Variants in KCNIP4 observed in about 807,000 individuals in gnomAD.
The protein encoded by KCNIP4 is potassium voltage-gated channel interacting protein 4.
KCNIP4 carries 12 observed loss-of-function variants against 34.0 expected under a neutral mutation model. That is an observed-to-expected ratio of 0.35 (90% CI 0.23 to 0.57). The LOEUF (loss-of-function observed/expected upper bound fraction) is 0.57, where lower values mean the gene tolerates loss of function less well. KCNIP4 is among the 20% of genes least tolerant of loss of function. KCNIP4 has a pLI of 0.83. For missense variants in KCNIP4, 238 were observed against 311.7 expected (o/e 0.76, Z 1.78); for synonymous variants, 124 against 102.2 (o/e 1.21, Z -1.29).
chr4:21,940,743 T>G (rs1333957261), intron 1 of KCNIP4, among the ~76,000 whole-genome samples: 1 of 152,208 alleles, frequency 6.6e-6, no homozygotes, highest in Non-Finnish European at 1.5e-5. Context: ...CTTTCTAAAT[T>G]AAATTAAAAT....
chr4:20,734,792 A>AC, intron 5 of KCNIP4, 57 bp from the exon 6 acceptor site: 1 of 1,059,480 alleles, frequency 9.4e-7, no homozygotes. Context: ...CAAAAACAAA[A>AC]AAAACAAATG....
At chr4:21,118,683 C>G (rs1344104226) in intron 1 of KCNIP4, among the ~76,000 whole-genome samples, 1 of 152,030 alleles carries the variant, frequency 6.6e-6, no homozygotes, top group African/African-American at 2.4e-5. Context: ...GGTGCGGATG[C>G]TGTTTTGAAA....
chr4:21,169,524 A>G (rs77660293), intron 1 of KCNIP4, among the ~76,000 whole-genome samples: 2,768 of 152,234 alleles, frequency 0.018, 87 homozygotes, highest in African/African-American at 0.061. Context: ...CAGAGGGTTT[A>G]CTGGCAAAAA....
chr4:21,938,502 C>T (rs951474679), intron 1 of KCNIP4, among the ~76,000 whole-genome samples: 9 of 152,200 alleles, frequency 5.9e-5, no homozygotes, highest in East Asian at 3.9e-4. Context: ...CTCTTTTCTA[C>T]GTAAGGTTTG....
chr4:21,770,954 C>T (rs1718741095), intron 1 of KCNIP4, among the ~76,000 whole-genome samples: 1 of 152,058 alleles, frequency 6.6e-6, no homozygotes, highest in African/African-American at 2.4e-5. Flanking sequence ...TAATTAGATC[C>T]CAGTTATCAA....
At position 21,283,553 on chromosome 4, in the gene KCNIP4, G is replaced by A. The variant is rs575117610; in HGVS notation, c.62-400844C>T. 2.0e-3 allele frequency among the ~76,000 whole-genome samples: 289 copies of A among 146,412 alleles called. 3 individuals are homozygous for A. Among genetic ancestry groups the A allele is most frequent in the African/African-American group, 6.8e-3 (269 of 39,362 alleles). On this transcript the variant is annotated intron_variant, in intron 1 of 8. Transcript: ENST00000382152. Reference sequence around the variant, plus strand: ...AAATATTTGTCTAATATCCTTACTCGACCATAAGTTTTTACAGACAAACTA... The same window carrying A: ...AAATATTTGTCTAATATCCTTACTCAACCATAAGTTTTTACAGACAAACTA...
intron 1 of KCNIP4, among the ~76,000 whole-genome samples, chr4:20,900,785 T>C (rs1361436797): frequency 6.6e-6 from 1 of 151,514 alleles, no homozygotes; most frequent in African/African-American, 2.4e-5. Flanking sequence ...ACAGTGTTGT[T>C]AAAACACTCA....
chr4:20,801,632 A>G (rs577401601), intron 3 of KCNIP4, among the ~76,000 whole-genome samples: 1 of 152,162 alleles, frequency 6.6e-6, no homozygotes. Context: ...GATTAAAACT[A>G]TAAGATGTTT....
chr4:21,921,004 T>C (rs1240991471), intron 1 of KCNIP4, among the ~76,000 whole-genome samples: 2 of 152,192 alleles, frequency 1.3e-5, no homozygotes, highest in African/African-American at 2.4e-5. Context: ...TCATTGGACT[T>C]TTACTTTTAA....
intron 1 of KCNIP4, among the ~76,000 whole-genome samples, chr4:21,416,236 AG>A (rs1454829139): frequency 6.6e-6 from 1 of 152,200 alleles, no homozygotes; most frequent in African/African-American, 2.4e-5. Context: ...TTTTAATATA[AG>A]GGTAGTGGCA....
chr4:21,655,972 T>C (rs997277878), intron 1 of KCNIP4, among the ~76,000 whole-genome samples: 1 of 152,218 alleles, frequency 6.6e-6, no homozygotes, highest in African/African-American at 2.4e-5. Flanking sequence ...CTGCATGTCT[T>C]TGAACTACTT....
chr4:20,957,358 A>G (rs1279746631), intron 1 of KCNIP4, among the ~76,000 whole-genome samples: 2 of 152,162 alleles, frequency 1.3e-5, no homozygotes, highest in African/African-American at 4.8e-5. Context: ...GACACACTAT[A>G]CTCATTATCT....
chr4:20,745,607 C>CA (rs1002889518), intron 5 of KCNIP4, among the ~76,000 whole-genome samples: 1 of 152,046 alleles, frequency 6.6e-6, no homozygotes, highest in Non-Finnish European at 1.5e-5. Flanking sequence ...CCCTAAAGTA[C>CA]AAAAAATGAT....
intron 1 of KCNIP4, among the ~76,000 whole-genome samples, chr4:21,455,460 T>C (rs1250376412): frequency 2.0e-5 from 3 of 151,944 alleles, no homozygotes; most frequent in South Asian, 4.1e-4. Context: ...GAGGGCTTGG[T>C]TGTGATAGAA....
At chr4:21,307,225 T>C (rs1055882340) in intron 1 of KCNIP4, among the ~76,000 whole-genome samples, 5 of 151,772 alleles carry the variant, frequency 3.3e-5, no homozygotes, top group Non-Finnish European at 7.4e-5. Flanking sequence ...ATGTTTTTCA[T>C]CCCAAGGCCT....
At chr4:21,018,071 C>T (rs551469039) in intron 1 of KCNIP4, among the ~76,000 whole-genome samples, 4 of 152,174 alleles carry the variant, frequency 2.6e-5, no homozygotes, top group Admixed American at 2.0e-4. Context: ...GTATGTAAAT[C>T]ATGCTTTGAA....
intron 1 of KCNIP4, among the ~76,000 whole-genome samples, chr4:21,458,689 C>T (rs930682198): frequency 6.6e-6 from 1 of 152,016 alleles, no homozygotes; most frequent in Non-Finnish European, 1.5e-5. Context: ...TATCTGACTA[C>T]TTTACTTTAG....
At chr4:20,779,584 C>CG (rs1400493410) in intron 3 of KCNIP4, among the ~76,000 whole-genome samples, 4 of 134,326 alleles carry the variant, frequency 3.0e-5, no homozygotes, top group African/African-American at 5.6e-5. Context: ...CAACCCCCCC[C>CG]CCCCACACAA....
chr4:21,353,791 C>G (rs1034607694), intron 1 of KCNIP4, among the ~76,000 whole-genome samples: 1 of 152,118 alleles, frequency 6.6e-6, no homozygotes, highest in Non-Finnish European at 1.5e-5. Flanking sequence ...TCAGGAAATA[C>G]AGAGAACACC....
Sources: gnomAD v4.1 joint callset for allele counts (sites outside exome capture counted in the v4.1 genomes callset) on GRCh38, gnomAD v4.1.1 for gene constraint, MANE v1.5 for transcripts, NCBI Gene and HGNC (gene_info 2026-07-23, HGNC 2026-07-21) for gene names.